ASH1L: variants seen among roughly 807,000 people sequenced by gnomAD.
ASH1L encodes histone-lysine N-methyltransferase ASH1L.
In ASH1L, 23 loss-of-function variants were observed where a neutral mutation model predicts 269.0. That is an observed-to-expected ratio of 0.09 (90% CI 0.06 to 0.12). The LOEUF (loss-of-function observed/expected upper bound fraction) is 0.12, where lower values mean the gene tolerates loss of function less well. ASH1L is among the 10% of genes least tolerant of loss of function. ASH1L has a pLI of 1.00. For synonymous variants in ASH1L, 1,187 were observed against 1,253.5 expected (o/e 0.95, Z 1.12); for missense variants, 2,912 against 3,567.8 (o/e 0.82, Z 4.68).
chr1:155,470,552 CT>C (rs112676810), intron 3 of ASH1L, among the ~76,000 whole-genome samples: 4 of 137,478 alleles, frequency 2.9e-5, no homozygotes, highest in Non-Finnish European at 3.1e-5. Context: ...CAGAAATTAC[CT>C]TTTTTTTTTT....
At chr1:155,536,906 G>T (rs138851406) in intron 1 of ASH1L, among the ~76,000 whole-genome samples, 1 of 151,798 alleles carries the variant, frequency 6.6e-6, no homozygotes, top group Non-Finnish European at 1.5e-5. Context: ...TTAGCCGGGC[G>T]TGGTGGCGAG....
chr1:155,401,464 C>T (rs1658841593), intron 6 of ASH1L, among the ~76,000 whole-genome samples: 1 of 130,024 alleles, frequency 7.7e-6, no homozygotes, highest in South Asian at 2.4e-4. Flanking sequence ...GGTGACACAG[C>T]AAGACTCCAT....
At position 155,343,918 on chromosome 1, in the gene ASH1L, A is replaced by G. The variant is rs946266611; in HGVS notation, c.7982-176T>C. 2.6e-5 allele frequency among the ~76,000 whole-genome samples: 4 copies of G among 152,224 alleles called. No homozygotes were observed. The highest frequency in any genetic ancestry group is 5.9e-5 in the Non-Finnish European group (4 of 68,032). On this transcript the variant is annotated intron_variant, in intron 22 of 27. Transcript: ENST00000392403. This position sits in a 1 kb window ranked among gnomAD's most constrained non-coding sequence, Gnocchi z 6.1. ...TAATCAATTCTAGACTATGACAATA[A>G]TATAAGGGAGGCATTCCATTTCTTG...
chr1:155,464,596 G>A (rs149870682), intron 3 of ASH1L, among the ~76,000 whole-genome samples: 32 of 152,018 alleles, frequency 2.1e-4, no homozygotes, highest in African/African-American at 6.0e-4. Context: ...TTTTTCTTCC[G>A]TTGGAAATAA....
At chr1:155,415,995 A>T in intron 5 of ASH1L, 72 bp from the exon 6 acceptor site, 1 of 1,277,980 alleles carries the variant, frequency 7.8e-7, no homozygotes, top group East Asian at 2.6e-5. Context: ...TCTACTTAAA[A>T]AAAAAAAACC....
Position 155,562,752 on chromosome 1 carries a change from G to C in ASH1L, c.-699C>G, listed in dbSNP as rs1467342934. The C allele has an allele frequency of 2.6e-6, 3 of 1,168,350 alleles. No individual in the cohort carries two copies. The African/African-American group carries it at 4.6e-5, about 18-fold the overall frequency. The allele number at this position is 1,168,350 out of a possible 1,614,324, so 72.4% of individuals were successfully genotyped here. Reference sequence around the variant, plus strand: ...ACTACCCCTCAGGCCCTGTCAAGCCGGCGCCGGCGCAGGCCCTCACGCGTA... The same window carrying C: ...ACTACCCCTCAGGCCCTGTCAAGCCCGCGCCGGCGCAGGCCCTCACGCGTA... On this transcript the variant is annotated 5_prime_UTR_variant, in exon 1 of 28. Transcript: ENST00000392403.
chr1:155,519,017 AT>A (rs1017514614), intron 2 of ASH1L, among the ~76,000 whole-genome samples: 4 of 152,190 alleles, frequency 2.6e-5, no homozygotes, highest in African/African-American at 9.7e-5. Flanking sequence ...TCCCAAGTAA[AT>A]ACCCAAAAAT....
chr1:155,389,944 A>G (rs1438498332), intron 7 of ASH1L, among the ~76,000 whole-genome samples: 1 of 135,256 alleles, frequency 7.4e-6, no homozygotes, highest in Non-Finnish European at 1.5e-5. Flanking sequence ...CATGTCATCT[A>G]TAAACAGAAA....
At chr1:155,454,575 C>T (rs754224988) in intron 4 of ASH1L, among the ~76,000 whole-genome samples, 3 of 152,088 alleles carry the variant, frequency 2.0e-5, no homozygotes, top group Non-Finnish European at 2.9e-5. Flanking sequence ...CGAGACCAGC[C>T]TGGCCAACAT....
chr1:155,387,293 C>T (rs1335901579), intron 7 of ASH1L, among the ~76,000 whole-genome samples: 1 of 152,052 alleles, frequency 6.6e-6, no homozygotes, highest in Admixed American at 6.6e-5. Flanking sequence ...GTTTTTAATC[C>T]ATATTTTGTT....
At chr1:155,498,917 TAAAAA>T (rs56675557) in intron 2 of ASH1L, among the ~76,000 whole-genome samples, 1 of 80,208 alleles carries the variant, frequency 1.2e-5, no homozygotes, top group African/African-American at 4.4e-5. Flanking sequence ...AGAACAGGAG[TAAAAA>T]AAAAAAAAAA....
rs111716496 is a variant in ASH1L at position 155,340,561 on chromosome 1, G to C, written c.8461-1193C>G. Among the ~76,000 whole-genome samples, 25 of 152,204 alleles carry C rather than the reference G, an allele frequency of 1.6e-4. 1 individual carries two copies. The highest frequency in any genetic ancestry group is 4.6e-4 in the African/African-American group (19 of 41,528). On this transcript the variant is annotated intron_variant, in intron 25 of 27. Transcript: ENST00000392403. ...CACTAAAAGAAGACTCAAAGATGAG[G>C]AGCTCAGCCAGGGTTTTATTAGAGC...
chr1:155,381,182 T>C (rs945712774), intron 7 of ASH1L, among the ~76,000 whole-genome samples: 2 of 152,216 alleles, frequency 1.3e-5, no homozygotes, highest in African/African-American at 2.4e-5. Context: ...TAATACTTGA[T>C]AAAATGTCTT....
rs895669607 is a variant in ASH1L, at chr1:155,562,344, G to A, written c.-291C>T. ...AAGGGAAAGGTGGAAGGCTAAAGGG[G>A]GCAAACTGAGGGGAGGCGGGTCCCG... On this transcript the variant is annotated 5_prime_UTR_variant, in exon 1 of 28. Coordinates refer to ENST00000392403, the MANE Select transcript of ASH1L (RefSeq NM_018489.3). 15 of 1,546,308 alleles carry A rather than the reference G, an allele frequency of 9.7e-6. No homozygotes were observed. The South Asian group carries it at 1.1e-4, about 12-fold the overall frequency.
At chr1:155,554,604 C>T (rs1360882115) in intron 1 of ASH1L, among the ~76,000 whole-genome samples, 1 of 151,982 alleles carries the variant, frequency 6.6e-6, no homozygotes, top group Non-Finnish European at 1.5e-5. Context: ...ACCAGGTCTC[C>T]TTATGTTGCC....
intron 5 of ASH1L, chr1:155,433,821 A>G: frequency 1.9e-6 from 3 of 1,606,796 alleles, no homozygotes; most frequent in Non-Finnish European, 8.5e-7. Flanking sequence ...GCTGACAACA[A>G]TGAAAATCTT....
intron 2 of ASH1L, among the ~76,000 whole-genome samples, chr1:155,495,815 T>A (rs1256235758): frequency 6.6e-6 from 1 of 152,058 alleles, no homozygotes; most frequent in East Asian, 1.9e-4. Flanking sequence ...CTGGACAACA[T>A]GGCAAAACTG....
chr1:155,501,138 A>G (rs1192171053), intron 2 of ASH1L, among the ~76,000 whole-genome samples: 1 of 152,224 alleles, frequency 6.6e-6, no homozygotes, highest in East Asian at 1.9e-4. Context: ...ATTTGGGGTA[A>G]GTCATTAAGA....
At chr1:155,498,845 C>A (rs1667322655) in intron 2 of ASH1L, among the ~76,000 whole-genome samples, 1 of 147,626 alleles carries the variant, frequency 6.8e-6, no homozygotes, top group Non-Finnish European at 1.5e-5. Flanking sequence ...GCCCAGAAAA[C>A]ACTTTCAAGA....
Sources: gnomAD v4.1 joint callset for allele counts (sites outside exome capture counted in the v4.1 genomes callset) on GRCh38, gnomAD v4.1.1 for gene constraint, Gnocchi (gnomAD v3.1) non-coding constraint, MANE v1.5 for transcripts, NCBI Gene and HGNC (gene_info 2026-07-23, HGNC 2026-07-21) for gene names.